SORCS2: variants seen among roughly 807,000 people sequenced by gnomAD.
SORCS2 encodes sortilin related VPS10 domain containing receptor 2, also known as VPS10 domain-containing receptor SorCS2.
In SORCS2, 100 loss-of-function variants were observed where a neutral mutation model predicts 141.6. The observed-to-expected ratio is 0.71, with a 90% CI of 0.60 to 0.83. The LOEUF (loss-of-function observed/expected upper bound fraction) is 0.83. SORCS2 is among the 40% of genes least tolerant of loss of function. The pLI is 0.00. For synonymous variants in SORCS2, 789 were observed against 676.9 expected, an observed-to-expected ratio of 1.17 and a Z score of -2.57; for missense variants, 1,646 against 1,560.2, an observed-to-expected ratio of 1.05 and a Z score of -0.93.
intron 1 of SORCS2, among the ~76,000 whole-genome samples, chr4:7,386,212 C>T (rs12504772): frequency 0.16 from 14,302 of 89,560 alleles, 733 homozygotes; most frequent in African/African-American, 0.25. Flanking sequence ...TTTGCACACA[C>T]GCACACACAT....
At chr4:7,270,230 A>G (rs1416878373) in intron 1 of SORCS2, among the ~76,000 whole-genome samples, 1 of 152,236 alleles carries the variant, frequency 6.6e-6, no homozygotes, top group Non-Finnish European at 1.5e-5. Context: ...TGGGGATGCT[A>G]CCTGTGAACG....
At chr4:7,255,431 G>T (rs1454233539) in intron 1 of SORCS2, among the ~76,000 whole-genome samples, 1 of 152,178 alleles carries the variant, frequency 6.6e-6, no homozygotes, top group Admixed American at 6.5e-5. Context: ...GGAGCGAATT[G>T]TCAGGGAGTG....
At chr4:7,695,584 ATTGGTGGGTGGGTGGG>A (rs1560490130) in intron 11 of SORCS2, among the ~76,000 whole-genome samples, 1 of 7,352 alleles carries the variant, frequency 1.4e-4, no homozygotes, top group Non-Finnish European at 2.6e-4. Context: ...GGATGGATGG[ATTGGTGGGTGGGTGGG>A]TGGATGGATG....
At chr4:7,434,265 G>A (rs746798522) in intron 2 of SORCS2, 24 of 1,613,192 alleles carry the variant, frequency 1.5e-5, no homozygotes, top group Admixed American at 1.3e-4. Flanking sequence ...TGTTCAAGTC[G>A]GCCAAGGTCA....
chr4:7,346,809 A>G (rs151026992), intron 1 of SORCS2, among the ~76,000 whole-genome samples: 412 of 152,320 alleles, frequency 2.7e-3, no homozygotes, highest in Non-Finnish European at 4.4e-3. Context: ...ATCTTCCCAG[A>G]TGTCAGACAA....
At chr4:7,705,632 G>T (rs1725381132) in intron 14 of SORCS2, among the ~76,000 whole-genome samples, 1 of 152,252 alleles carries the variant, frequency 6.6e-6, no homozygotes, top group African/African-American at 2.4e-5. Context: ...CATGTGCTCT[G>T]TGGCAGGTGT....
intron 1 of SORCS2, among the ~76,000 whole-genome samples, chr4:7,343,310 A>G (rs1031346786): frequency 5.3e-5 from 8 of 152,192 alleles, no homozygotes; most frequent in African/African-American, 1.9e-4. Flanking sequence ...GGACGTTGGA[A>G]TCAGCTGGGT....
chr4:7,607,950 G>A (rs1383498726), intron 3 of SORCS2, among the ~76,000 whole-genome samples: 1 of 152,152 alleles, frequency 6.6e-6, no homozygotes, highest in African/African-American at 2.4e-5. Flanking sequence ...GTTCCCCTGT[G>A]CTTTGGTTTG....
At chr4:7,719,085 C>G (rs754538183) in intron 18 of SORCS2, among the ~76,000 whole-genome samples, 2 of 152,240 alleles carry the variant, frequency 1.3e-5, no homozygotes, top group Non-Finnish European at 2.9e-5. Context: ...GGCTCTCTCC[C>G]GGCACGCAGC....
intron 14 of SORCS2, among the ~76,000 whole-genome samples, chr4:7,709,425 C>T (rs907976850): frequency 4.6e-5 from 7 of 152,236 alleles, no homozygotes; most frequent in Non-Finnish European, 8.8e-5. Flanking sequence ...ACAGGTGAGG[C>T]ATTTTATCCC....
chr4:7,654,235 A>C, intron 5 of SORCS2, 28 bp downstream of exon 5: 2 of 1,553,962 alleles, frequency 1.3e-6, no homozygotes, highest in Non-Finnish European at 1.7e-6. Flanking sequence ...CCCCAAACCC[A>C]TGGGGCCCGC....
At chr4:7,480,107 G>T (rs569713126) in intron 2 of SORCS2, among the ~76,000 whole-genome samples, 1 of 152,228 alleles carries the variant, frequency 6.6e-6, no homozygotes, top group South Asian at 2.1e-4. Flanking sequence ...TCTGCGTGCT[G>T]CAGATGGGTC....
chr4:7,551,929 A>G (rs1713738544), intron 3 of SORCS2, among the ~76,000 whole-genome samples: 1 of 152,232 alleles, frequency 6.6e-6, no homozygotes, highest in South Asian at 2.1e-4. Flanking sequence ...TACATGGGTA[A>G]TTGTGTGTCG....
chr4:7,585,073 G>C (rs373193520), intron 3 of SORCS2, among the ~76,000 whole-genome samples: 17 of 152,314 alleles, frequency 1.1e-4, no homozygotes, highest in African/African-American at 4.1e-4. Context: ...CTCAGAAATT[G>C]CTCTGTTGAT....
intron 2 of SORCS2, chr4:7,430,347 A>G (rs1170654297): frequency 6.7e-6 from 1 of 150,212 alleles, no homozygotes; most frequent in Admixed American, 6.7e-5. Flanking sequence ...ATCACTTCTA[A>G]GAAAAGCCCC....
At chr4:7,586,080 T>C (rs1716515327) in intron 3 of SORCS2, among the ~76,000 whole-genome samples, 1 of 152,224 alleles carries the variant, frequency 6.6e-6, no homozygotes, top group Non-Finnish European at 1.5e-5. Flanking sequence ...TCTAAAGGCA[T>C]TGCTCTCTCT....
At chr4:7,418,203 T>G (rs573559815) in intron 2 of SORCS2, among the ~76,000 whole-genome samples, 11 of 152,288 alleles carry the variant, frequency 7.2e-5, no homozygotes, top group African/African-American at 2.6e-4. Flanking sequence ...CAATGTTGAA[T>G]GAGGCAGACA....
chr4:7,576,467 G>C (rs144316051), intron 3 of SORCS2, among the ~76,000 whole-genome samples: 4 of 152,202 alleles, frequency 2.6e-5, no homozygotes, highest in Admixed American at 6.5e-5. Context: ...TCGAGTGCCT[G>C]CTAGAGCCAA....
At position 7,247,918 on chromosome 4, in the gene SORCS2, C is replaced by T. The variant is rs376632991; in HGVS notation, c.480+54792C>T. 1.4e-4 allele frequency among the ~76,000 whole-genome samples: 21 copies of T among 152,326 alleles called. No individual in the cohort carries two copies. In the East Asian group the frequency reaches 4.0e-3, roughly 29 times the overall value. On this transcript the variant is annotated intron_variant, in intron 1 of 26. Transcript: ENST00000507866. ...CCACTCAGATCCTAGGAGGGCGCGA[C>T]TCTGTCCTGTCAGCAACGGGATCCC...
Sources: gnomAD v4.1 joint callset for allele counts (sites outside exome capture counted in the v4.1 genomes callset) on GRCh38, gnomAD v4.1.1 for gene constraint, MANE v1.5 for transcripts, NCBI Gene and HGNC (gene_info 2026-07-23, HGNC 2026-07-21) for gene names.